THSD7A: variants seen among roughly 807,000 people sequenced by gnomAD.
THSD7A encodes thrombospondin type 1 domain containing 7A, also known as thrombospondin type-1 domain-containing protein 7A.
Under a neutral mutation model 231.3 loss-of-function variants are expected in THSD7A, and 96 were observed. That is an observed-to-expected ratio of 0.41 (90% confidence interval 0.35 to 0.49). The LOEUF (loss-of-function observed/expected upper bound fraction) is 0.49, where lower values mean the gene tolerates loss of function less well. Among genes scored for constraint, THSD7A ranks in the 20% least tolerant of loss-of-function variants. The probability of loss-of-function intolerance (pLI) is 0.05; values close to 1 mark genes in which losing one functional copy is unlikely to be tolerated. For synonymous variants in THSD7A, 940 were observed against 743.3 expected (o/e 1.26, Z -4.30); for missense variants, 2,290 against 2,070.2 (o/e 1.11, Z -2.06).
rs1554335255 is a variant in THSD7A, at chr7:11,546,195, G to GGCGCGTGTGTGTGCGC, written c.1454-3079_1454-3078insGCGCACACACACGCGC. On this transcript the variant is annotated intron_variant, in intron 4 of 27. Transcript: ENST00000423059. ...TTGCTGCTCTGTTGTTGCTGGTGTG[G>GGCGCGTGTGTGTGCGC]GCGCGCGCTCACACACACACACACA... Among the ~76,000 whole-genome samples the GGCGCGTGTGTGTGCGC allele has an allele frequency of 3.8e-5, 3 of 78,698 alleles. 1 individual carries two copies. The highest frequency in any genetic ancestry group is 1.5e-4 in the African/African-American group (3 of 20,196). The allele number at this position is 78,698 out of a possible 152,430, so 51.6% of individuals were successfully genotyped here. A position where few individuals can be genotyped will look rare whatever the true frequency, so the allele number is the denominator to read the frequency against.
chr7:11,739,322 T>G (rs1339956773), intron 1 of THSD7A, among the ~76,000 whole-genome samples: 3 of 151,992 alleles, frequency 2.0e-5, no homozygotes, highest in Non-Finnish European at 2.9e-5. Context: ...CAGTGTTAAC[T>G]TGAAGGTCCT....
chr7:11,539,079 G>A, intron 6 of THSD7A, among the ~76,000 whole-genome samples: 1 of 152,120 alleles, frequency 6.6e-6, no homozygotes. Flanking sequence ...CTGCAGCCCA[G>A]GCCTAGAGGT....
At chr7:11,820,943 A>T (rs1441417177) in intron 1 of THSD7A, 2 of 1,009,884 alleles carry the variant, frequency 2.0e-6, no homozygotes, top group East Asian at 4.8e-5. Flanking sequence ...CTCTCTCCTT[A>T]TGTTTTTTAT....
At chr7:11,488,467 G>A (rs1444823135) in intron 6 of THSD7A, among the ~76,000 whole-genome samples, 1 of 152,006 alleles carries the variant, frequency 6.6e-6, no homozygotes, top group African/African-American at 2.4e-5. Context: ...CATGAACTGA[G>A]ACTTATGCCT....
At position 11,590,415 on chromosome 7, in the gene THSD7A, A is replaced by C; in HGVS notation, c.1453+45T>G. 1 of 1,566,986 alleles carries C rather than the reference A, an allele frequency of 6.4e-7. No homozygotes were observed. The highest frequency in any genetic ancestry group is 8.7e-7 in the Non-Finnish European group (1 of 1,154,760). On this transcript the variant is annotated intron_variant, in intron 4 of 27. Transcript: ENST00000423059. This position sits in a 1 kb window ranked among gnomAD's most constrained non-coding sequence, Gnocchi z 4.4. ...ATCCCTTCAGAGCAATCACATGCTC[A>C]GTCAGTCTTCATAAGTGAATCCTTG... is the stretch of plus-strand genomic sequence containing the variant.
Position 11,765,299 on chromosome 7 carries a change from C to T in THSD7A, c.190+66458G>A, listed in dbSNP as rs530797583. On this transcript the variant is annotated intron_variant, in intron 1 of 27. Coordinates refer to ENST00000423059, the MANE Select transcript of THSD7A (RefSeq NM_015204.3). ...TATTTAAGTTTGCTATCTTAGGATA[C>T]TTTCTCATAGAATTATGAATATGCT... 7.2e-5 allele frequency among the ~76,000 whole-genome samples: 11 copies of T among 152,288 alleles called. No individual in the cohort carries two copies. The South Asian group carries it at 2.3e-3, about 32-fold the overall frequency.
chr7:11,621,425 G>A (rs1164902869), intron 2 of THSD7A, among the ~76,000 whole-genome samples: 2 of 151,970 alleles, frequency 1.3e-5, no homozygotes, highest in African/African-American at 4.8e-5. Flanking sequence ...ATGAGTTTAC[G>A]ATGACATCCC....
At chr7:11,731,808 G>A (rs1781745556) in intron 1 of THSD7A, among the ~76,000 whole-genome samples, 1 of 151,608 alleles carries the variant, frequency 6.6e-6, no homozygotes, top group Admixed American at 6.6e-5. Context: ...AAATCTTGTT[G>A]ATAAAAGAAG....
intron 2 of THSD7A, among the ~76,000 whole-genome samples, chr7:11,599,001 C>G (rs1280470560): frequency 6.6e-6 from 1 of 152,036 alleles, no homozygotes; most frequent in Non-Finnish European, 1.5e-5. Flanking sequence ...CCCAGACTAA[C>G]AAGATGAAAT....
intron 4 of THSD7A, among the ~76,000 whole-genome samples, chr7:11,555,659 T>C (rs1190633473): frequency 1.3e-5 from 2 of 151,886 alleles, no homozygotes; most frequent in African/African-American, 2.4e-5. Flanking sequence ...TAAGGTATTG[T>C]CATTTCCAAC....
chr7:11,485,361 T>C (rs1786610350), intron 6 of THSD7A, among the ~76,000 whole-genome samples: 1 of 152,196 alleles, frequency 6.6e-6, no homozygotes, highest in South Asian at 2.1e-4. Context: ...CTAATAGCAT[T>C]TGCTTCTCTG....
chr7:11,534,150 TG>T (rs1481301136), intron 6 of THSD7A, among the ~76,000 whole-genome samples: 1 of 152,176 alleles, frequency 6.6e-6, no homozygotes, highest in African/African-American at 2.4e-5. Context: ...TTTGTGGTCT[TG>T]GATGGGGAGG....
At chr7:11,754,976 G>A (rs115224488) in intron 1 of THSD7A, among the ~76,000 whole-genome samples, 2,438 of 151,290 alleles carry the variant, frequency 0.016, 50 homozygotes, top group African/African-American at 0.056. Context: ...TTCCTTAGGC[G>A]TAAGAATATA....
chr7:11,699,154 T>C lies in THSD7A; in HGVS notation c.191-62193A>G, dbSNP rs1027486736. 9.9e-5 allele frequency among the ~76,000 whole-genome samples: 15 copies of C among 151,166 alleles called. 1 individual carries two copies. The highest frequency in any genetic ancestry group is 3.6e-4 in the African/African-American group (15 of 41,302). ...GTTCAGTTTAGTTAGATGTTGACCT[T>C]GAGGCACGGAATTTCAGCTTCAATT... is the stretch of plus-strand genomic sequence containing the variant. On this transcript the variant is annotated intron_variant, in intron 1 of 27. Coordinates refer to ENST00000423059, the MANE Select transcript of THSD7A (RefSeq NM_015204.3).
intron 6 of THSD7A, among the ~76,000 whole-genome samples, chr7:11,510,929 G>A (rs1169187786): frequency 1.3e-5 from 2 of 152,080 alleles, no homozygotes; most frequent in Non-Finnish European, 2.9e-5. Context: ...GGAAGTTCTG[G>A]CCAGGGCAAT....
chr7:11,657,438 A>G (rs534226419), intron 1 of THSD7A, among the ~76,000 whole-genome samples: 7 of 151,874 alleles, frequency 4.6e-5, no homozygotes, highest in African/African-American at 1.4e-4. Context: ...GGACCCTGGA[A>G]TCAGGTTGTA....
chr7:11,633,992 G>A (rs548547049), intron 2 of THSD7A, among the ~76,000 whole-genome samples: 33 of 152,208 alleles, frequency 2.2e-4, no homozygotes, highest in African/African-American at 7.9e-4. Context: ...GTGCTTTGGT[G>A]ATGTCATTGA....
Position 11,411,332 on chromosome 7 carries a change from AGGGAAG to A in THSD7A, c.3683-16_3683-11del, listed in dbSNP as rs1437170120. 14 of 1,587,002 alleles carry A rather than the reference AGGGAAG, an allele frequency of 8.8e-6. No individual in the cohort carries two copies. The highest frequency in any genetic ancestry group is 1.2e-5 in the Non-Finnish European group (14 of 1,156,784). On this transcript the variant is annotated splice_polypyrimidine_tract_variant and intron_variant, in intron 18 of 27. Transcript: ENST00000423059. This position sits in a 1 kb window ranked among gnomAD's most constrained non-coding sequence, Gnocchi z 4.1. ...TGACATGTACTCCAGTCTGAAAAAA[AGGGAAG>A]CCCATCAGAACAGAAGGCTAAGTAA... is the stretch of plus-strand genomic sequence containing the variant.
chr7:11,451,760 T>C (rs1004688343), intron 11 of THSD7A, among the ~76,000 whole-genome samples: 2 of 151,998 alleles, frequency 1.3e-5, no homozygotes, highest in Non-Finnish European at 2.9e-5. Flanking sequence ...GATGTGTAAA[T>C]GGAAGGCTAC....
Sources: gnomAD v4.1 joint callset for allele counts (sites outside exome capture counted in the v4.1 genomes callset) on GRCh38, gnomAD v4.1.1 for gene constraint, Gnocchi (gnomAD v3.1) non-coding constraint, MANE v1.5 for transcripts, NCBI Gene and HGNC (gene_info 2026-07-23, HGNC 2026-07-21) for gene names.